PRKDC: variants seen among roughly 807,000 people sequenced by gnomAD.
The protein encoded by PRKDC is protein kinase, DNA-activated, catalytic subunit, also known as DNA-dependent protein kinase catalytic subunit.
A neutral mutation model predicts 486.9 loss-of-function variants in PRKDC; 82 were observed. The observed-to-expected ratio is 0.17, with a 90% CI of 0.14 to 0.20. The LOEUF is 0.20. Ranked by LOEUF, PRKDC falls within the 10% of genes least tolerant of loss-of-function variation. The pLI is 1.00. For missense variants in PRKDC, 4,504 were observed against 5,038.2 expected (o/e 0.89, Z 3.21); for synonymous variants, 1,895 against 1,837.0 (o/e 1.03, Z -0.81).
intron 36 of PRKDC, among the ~76,000 whole-genome samples, chr8:47,884,195 C>T (rs556470063): frequency 6.6e-6 from 1 of 152,334 alleles, no homozygotes; most frequent in African/African-American, 2.4e-5. Context: ...GAGTCACTGC[C>T]TCCTGCCTTC....
chr8:47,902,276 T>C (rs528193225), intron 27 of PRKDC, among the ~76,000 whole-genome samples: 1 of 152,302 alleles, frequency 6.6e-6, no homozygotes, highest in East Asian at 1.9e-4. Context: ...GCAAACTTGC[T>C]CACCCTGGAT....
At chr8:47,846,428 A>G (rs960421904) in intron 54 of PRKDC, among the ~76,000 whole-genome samples, 1 of 151,808 alleles carries the variant, frequency 6.6e-6, no homozygotes, top group Non-Finnish European at 1.5e-5. Context: ...AAAAAAAAAA[A>G]AAAGAAAAAG....
chr8:47,915,691 T>C (rs1366132402), intron 22 of PRKDC, among the ~76,000 whole-genome samples: 1 of 152,236 alleles, frequency 6.6e-6, no homozygotes, highest in Non-Finnish European at 1.5e-5. Flanking sequence ...TTACATGTTA[T>C]AAAAAGTAAC....
chr8:47,861,367 C>T (rs375455420), intron 44 of PRKDC, among the ~76,000 whole-genome samples: 19 of 152,312 alleles, frequency 1.2e-4, no homozygotes, highest in African/African-American at 2.6e-4. Flanking sequence ...TGTGTCTACA[C>T]GCTTAATAAA....
At chr8:47,936,186 C>A (rs981889788) in intron 12 of PRKDC, among the ~76,000 whole-genome samples, 167 bp downstream of exon 12, 4 of 152,034 alleles carry the variant, frequency 2.6e-5, no homozygotes, top group African/African-American at 9.7e-5. Context: ...TTCTGGATAA[C>A]AAAAAATCGA....
intron 69 of PRKDC, among the ~76,000 whole-genome samples, chr8:47,806,300 T>TC (rs1477383825): frequency 6.6e-6 from 1 of 152,120 alleles, no homozygotes; most frequent in East Asian, 1.9e-4. Flanking sequence ...CTGGGTCCTC[T>TC]CCCCATGACC....
intron 63 of PRKDC, among the ~76,000 whole-genome samples, chr8:47,825,520 A>C (rs1355990772): frequency 1.3e-5 from 2 of 150,488 alleles, no homozygotes; most frequent in African/African-American, 2.5e-5. Context: ...AAAAAAAAAA[A>C]AAAAAAAAAA....
At chr8:47,897,097 T>C in intron 30 of PRKDC, 64 bp downstream of exon 30, 1 of 1,460,162 alleles carries the variant, frequency 6.8e-7, no homozygotes, top group African/African-American at 1.4e-5. Flanking sequence ...CAATTCTTCT[T>C]TACTTCTTTT....
At position 47,774,018 on chromosome 8, in the gene PRKDC, C is replaced by T. The variant is rs543748433; in HGVS notation, c.*155G>A. The T allele has an allele frequency of 4.1e-6, 3 of 722,924 alleles. No individual in the cohort carries two copies. The highest frequency in any genetic ancestry group is 2.1e-5 in the South Asian group (1 of 47,964). 44.8% of individuals were successfully genotyped at this position (722,924 alleles called of 1,614,324 possible). On this transcript the variant is annotated 3_prime_UTR_variant, in exon 86 of 86. Coordinates refer to ENST00000314191, the MANE Select transcript of PRKDC (RefSeq NM_006904.7). ...ATTTAACCCATACACATTTACTCAT[C>T]ATAATCTTGATTTAAACTCATGCTA... is the stretch of plus-strand genomic sequence containing the variant.
At chr8:47,905,607 A>C (rs2089766107) in intron 25 of PRKDC, among the ~76,000 whole-genome samples, 1 of 152,176 alleles carries the variant, frequency 6.6e-6, no homozygotes, top group South Asian at 2.1e-4. Context: ...AATGAAACCC[A>C]ATCAATGTCC....
chr8:47,953,119 C>A (rs915557418), intron 7 of PRKDC, among the ~76,000 whole-genome samples: 1 of 151,882 alleles, frequency 6.6e-6, no homozygotes. Context: ...CCACCCTGGG[C>A]TACGGAGCGA....
chr8:47,930,628 A>C, intron 17 of PRKDC, 44 bp downstream of exon 17: 1 of 1,504,334 alleles, frequency 6.6e-7, no homozygotes, highest in Non-Finnish European at 9.0e-7. Flanking sequence ...GCCAATAACT[A>C]ACAATCATTT....
At chr8:47,780,567 T>C (rs1221595250) in intron 80 of PRKDC, among the ~76,000 whole-genome samples, 1 of 152,252 alleles carries the variant, frequency 6.6e-6, no homozygotes, top group Non-Finnish European at 1.5e-5. Flanking sequence ...GAGTTGCTAT[T>C]AAAGTTAGCT....
At chr8:47,877,245 C>G (rs1366752733) in intron 40 of PRKDC, among the ~76,000 whole-genome samples, 1 of 152,164 alleles carries the variant, frequency 6.6e-6, no homozygotes, top group Non-Finnish European at 1.5e-5. Flanking sequence ...ATGTATGAAC[C>G]TTGTTTGGAC....
At chr8:47,854,240 A>G (rs1283532495) in intron 50 of PRKDC, 26 bp from the exon 51 acceptor site, 1 of 1,608,718 alleles carries the variant, frequency 6.2e-7, no homozygotes, top group African/African-American at 1.3e-5. Context: ...AAAGGAGAAA[A>G]TTGAGACTGT....
In PRKDC at chr8:47,927,834, A is replaced by G. The variant is rs757608691; in HGVS notation, c.2196T>C (p.Phe732=). ...TGATGTTGTGTGGCAAGGACAGAAG[A>G]AAGGTCAAACAAGAGGCCAAAAGTT... ...KDELLASCLT[F]LLSLPHNIIE... The change falls in exon 20 of 86, where the codon TTT becomes TTC. Residue 732 remains phenylalanine (F), a synonymous_variant. Transcript: ENST00000314191. 5.6e-6 allele frequency: 9 copies of G among 1,596,644 alleles called. No individual in the cohort carries two copies. In the East Asian group the frequency reaches 2.0e-4, roughly 36 times the overall value.
intron 25 of PRKDC, among the ~76,000 whole-genome samples, chr8:47,906,563 G>A (rs897610334): frequency 2.0e-5 from 3 of 150,926 alleles, no homozygotes; most frequent in Non-Finnish European, 4.4e-5. Flanking sequence ...GAACTGGGAG[G>A]TGGAGGTTGC....
rs989252865 is a variant in PRKDC at position 47,778,521 on chromosome 8, C to T, written c.11791G>A (p.Ala3931Thr). The T allele has an allele frequency of 1.4e-5, 22 of 1,613,752 alleles. No individual in the cohort carries two copies. The highest frequency in any genetic ancestry group is 1.9e-5 in the Non-Finnish European group (22 of 1,179,810). Residue 3931 changes from alanine to threonine, a missense_variant, in exon 83 of 86, where the codon GCC becomes ACC. Transcript: ENST00000314191. ...CCGATCACGCCGCCAGTCTCCATGG[C>T]CACCATAAAGTTGTTCAGATGTCTG... The part of the protein sequence containing the change: ...GDRHLNNFMV[A>T]METGGVIGID...
intron 30 of PRKDC, among the ~76,000 whole-genome samples, chr8:47,895,101 C>A: frequency 6.6e-6 from 1 of 152,076 alleles, no homozygotes. Flanking sequence ...GTGCTGCACA[C>A]CTGCAGTCCC....
Sources: gnomAD v4.1 joint callset for allele counts (sites outside exome capture counted in the v4.1 genomes callset) on GRCh38, gnomAD v4.1.1 for gene constraint, MANE v1.5 for transcripts, NCBI Gene and HGNC (gene_info 2026-07-23, HGNC 2026-07-21) for gene names.